ME1: variants seen among roughly 807,000 people sequenced by gnomAD.
ME1 encodes malic enzyme 1, also known as NADP-dependent malic enzyme.
ME1 carries 74 observed loss-of-function variants against 66.4 expected under a neutral mutation model. The ratio of observed to expected loss-of-function variants is 1.11; its 90% CI spans 0.92 to 1.35. The LOEUF is 1.35. Ranked by LOEUF, ME1 falls within the 40% of genes most tolerant of loss-of-function variation. ME1 has a pLI of 0.00. For synonymous variants in ME1, 251 were observed against 235.6 expected (o/e 1.07, Z -0.60); for missense variants, 750 against 694.1 (o/e 1.08, Z -0.90).
At chr6:83,260,187 AG>A (rs200908878) in intron 6 of ME1, among the ~76,000 whole-genome samples, 2 of 151,890 alleles carry the variant, frequency 1.3e-5, no homozygotes, top group Admixed American at 6.6e-5. Flanking sequence ...AAAAAAAAAA[AG>A]AATCACAAGC....
intron 9 of ME1, among the ~76,000 whole-genome samples, chr6:83,236,881 G>T (rs1200959760): frequency 2.6e-5 from 4 of 151,960 alleles, no homozygotes; most frequent in African/African-American, 9.7e-5. Flanking sequence ...TGTTTCATCT[G>T]TATCAATATC....
chr6:83,364,130 AC>A (rs974632023), intron 3 of ME1, among the ~76,000 whole-genome samples: 17 of 152,116 alleles, frequency 1.1e-4, no homozygotes, highest in African/African-American at 4.1e-4. Context: ...GGAAAGGCAT[AC>A]CCACCCTTAA....
At chr6:83,308,283 A>T (rs1305005344) in intron 6 of ME1, among the ~76,000 whole-genome samples, 1 of 151,536 alleles carries the variant, frequency 6.6e-6, no homozygotes, top group Non-Finnish European at 1.5e-5. Context: ...ATTTTTAAAT[A>T]TAGTCTTTGT....
chr6:83,230,359 G>C (rs554561973), intron 9 of ME1, among the ~76,000 whole-genome samples: 95 of 152,044 alleles, frequency 6.2e-4, no homozygotes, highest in African/African-American at 2.0e-3. Context: ...GTAGAGACAG[G>C]CTCTGTTTTT....
At chr6:83,233,524 A>T (rs747384698) in intron 9 of ME1, among the ~76,000 whole-genome samples, 15 of 152,062 alleles carry the variant, frequency 9.9e-5, no homozygotes, top group Non-Finnish European at 1.9e-4. Flanking sequence ...TGTGATGTTG[A>T]AAGTTGAAAG....
At chr6:83,299,084 C>A in intron 6 of ME1, among the ~76,000 whole-genome samples, 1 of 150,816 alleles carries the variant, frequency 6.6e-6, no homozygotes, top group Non-Finnish European at 1.5e-5. Flanking sequence ...TATTCGGGCT[C>A]TTTTTTGGTT....
At chr6:83,243,288 T>C (rs1239968004) in intron 7 of ME1, among the ~76,000 whole-genome samples, 1 of 143,164 alleles carries the variant, frequency 7.0e-6, no homozygotes, top group African/African-American at 2.6e-5. Context: ...AATATATATA[T>C]TTAATTATAT....
intron 10 of ME1, 31 bp downstream of exon 10, chr6:83,228,795 T>C: frequency 2.2e-6 from 3 of 1,381,144 alleles, no homozygotes; most frequent in Non-Finnish European, 3.0e-6. Flanking sequence ...AAATAAGGGG[T>C]AGGGGAGAAG....
intron 5 of ME1, among the ~76,000 whole-genome samples, chr6:83,331,012 A>G (rs536842049): frequency 6.6e-6 from 1 of 152,326 alleles, no homozygotes; most frequent in East Asian, 1.9e-4. Context: ...ACCAGAGGCC[A>G]GACTAAACAT....
intron 3 of ME1, chr6:83,393,232 C>A: frequency 8.8e-7 from 1 of 1,137,946 alleles, no homozygotes; most frequent in Non-Finnish European, 1.3e-6. Context: ...CTGGGCTACT[C>A]TGAGCACCAG....
chr6:83,374,543 G>A (rs532706047), intron 3 of ME1, among the ~76,000 whole-genome samples: 1 of 152,264 alleles, frequency 6.6e-6, no homozygotes, highest in South Asian at 2.1e-4. Context: ...CCATTCTGGA[G>A]GTTGCCTGTT....
At chr6:83,300,402 A>G (rs559534472) in intron 6 of ME1, among the ~76,000 whole-genome samples, 121 of 152,214 alleles carry the variant, frequency 7.9e-4, no homozygotes, top group South Asian at 4.1e-4. Context: ...TAACTAAACT[A>G]AAGAGCTTCT....
At chr6:83,340,610 A>T (rs1236771687) in intron 5 of ME1, among the ~76,000 whole-genome samples, 3 of 151,900 alleles carry the variant, frequency 2.0e-5, no homozygotes. Context: ...ACACAGAAAC[A>T]CCACTAGTAA....
chr6:83,382,545 T>G (rs891712020), intron 3 of ME1, among the ~76,000 whole-genome samples: 6 of 152,122 alleles, frequency 3.9e-5, no homozygotes, highest in African/African-American at 1.4e-4. Context: ...AGTAGAGCAA[T>G]ATTCCTAAGA....
intron 3 of ME1, among the ~76,000 whole-genome samples, chr6:83,388,309 C>T (rs1769554101): frequency 6.6e-6 from 1 of 152,128 alleles, no homozygotes; most frequent in Non-Finnish European, 1.5e-5. Flanking sequence ...TGGTCTTGAA[C>T]TCTTAAACTA....
At chr6:83,263,293 A>G (rs1000318367) in intron 6 of ME1, among the ~76,000 whole-genome samples, 1 of 152,178 alleles carries the variant, frequency 6.6e-6, no homozygotes, top group African/African-American at 2.4e-5. Context: ...AAATTAGGCC[A>G]ATTAACAACC....
intron 6 of ME1, among the ~76,000 whole-genome samples, chr6:83,270,330 A>T (rs556400529): frequency 2.6e-5 from 4 of 152,302 alleles, no homozygotes; most frequent in African/African-American, 7.2e-5. Flanking sequence ...CTGCACAACA[A>T]ATCAGGTCCC....
intron 3 of ME1, among the ~76,000 whole-genome samples, chr6:83,365,638 T>A (rs1769089354): frequency 6.6e-6 from 1 of 152,178 alleles, no homozygotes. Context: ...AATGGGAGGA[T>A]CACTTGAGGC....
chr6:83,370,941 G>A (rs1233861893), intron 3 of ME1, among the ~76,000 whole-genome samples: 1 of 151,986 alleles, frequency 6.6e-6, no homozygotes, highest in Non-Finnish European at 1.5e-5. Flanking sequence ...AAACATTAAT[G>A]AAGAAAAAGA....
Sources: gnomAD v4.1 joint callset for allele counts (sites outside exome capture counted in the v4.1 genomes callset) on GRCh38, gnomAD v4.1.1 for gene constraint, MANE v1.5 for transcripts, NCBI Gene and HGNC (gene_info 2026-07-23, HGNC 2026-07-21) for gene names.